The following BIRC6 variants were observed in gnomAD, a reference collection of about 807,000 sequenced individuals.
BIRC6 encodes baculoviral IAP repeat containing 6.
In BIRC6, 98 loss-of-function variants were observed where a neutral mutation model predicts 503.3. The observed-to-expected ratio is 0.19, with a 90% CI of 0.17 to 0.23. The LOEUF (loss-of-function observed/expected upper bound fraction) is 0.23, where lower values mean the gene tolerates loss of function less well. Among genes scored for constraint, BIRC6 ranks in the 10% least tolerant of loss-of-function variants. The pLI, the probability that BIRC6 is intolerant of heterozygous loss-of-function variation, is 1.00. For synonymous variants in BIRC6, 2,240 were observed against 2,078.7 expected, an observed-to-expected ratio of 1.08 and a Z score of -2.11; for missense variants, 5,360 against 5,806.0, an observed-to-expected ratio of 0.92 and a Z score of 2.50.
intron 26 of BIRC6, among the ~76,000 whole-genome samples, 159 bp downstream of exon 26, chr2:32,465,323 C>G (rs1392472683): frequency 7.1e-6 from 1 of 139,932 alleles, no homozygotes; most frequent in East Asian, 2.3e-4. Flanking sequence ...TAAGCACTTA[C>G]ATGTTCAAGC....
chr2:32,531,572 C>G (rs748286582), intron 61 of BIRC6, 21 bp downstream of exon 61: 46 of 1,573,628 alleles, frequency 2.9e-5, no homozygotes, highest in Non-Finnish European at 3.8e-5. Context: ...ATTTCCTAAT[C>G]GAGTATATCA....
intron 23 of BIRC6, among the ~76,000 whole-genome samples, chr2:32,459,227 C>T (rs1002130090): frequency 6.6e-6 from 1 of 152,166 alleles, no homozygotes; most frequent in African/African-American, 2.4e-5. Flanking sequence ...AGTCACTTGG[C>T]AACCAGTAGA....
chr2:32,402,479 A>G (rs922461860), intron 8 of BIRC6, among the ~76,000 whole-genome samples: 1 of 152,076 alleles, frequency 6.6e-6, no homozygotes, highest in African/African-American at 2.4e-5. Flanking sequence ...TTACTTCACA[A>G]CCCCTTTGGT....
chr2:32,557,755 G>C (rs1405754619), intron 65 of BIRC6: 1 of 152,160 alleles, frequency 6.6e-6, no homozygotes, highest in Non-Finnish European at 1.5e-5. Context: ...GTTAAGTACT[G>C]TTCCAGCTAT....
At chr2:32,578,878 CTA>C (rs1231843202) in intron 66 of BIRC6, among the ~76,000 whole-genome samples, 1 of 150,576 alleles carries the variant, frequency 6.6e-6, no homozygotes, top group Non-Finnish European at 1.5e-5. Flanking sequence ...ATTTCTGTCT[CTA>C]TTACTGTGAA....
At chr2:32,398,815 A>C (rs1439659072) in intron 6 of BIRC6, among the ~76,000 whole-genome samples, 4 of 152,122 alleles carry the variant, frequency 2.6e-5, no homozygotes, top group Non-Finnish European at 4.4e-5. Context: ...GGTACGCTAG[A>C]TTTAGCTGGG....
In BIRC6 at chr2:32,371,415, C is replaced by A. The variant is rs188762853; in HGVS notation, c.326-6173C>A. Among the ~76,000 whole-genome samples, 814 of 151,650 alleles carry A rather than the reference C, an allele frequency of 5.4e-3. 11 individuals are homozygous for A. The highest frequency in any genetic ancestry group is 0.019 in the African/African-American group (769 of 41,386). On this transcript the variant is annotated intron_variant, in intron 1 of 73. Coordinates refer to ENST00000421745, the MANE Select transcript of BIRC6 (RefSeq NM_016252.4). Reference sequence around the variant, plus strand: ...TTGGAGACAGAGTCTCGCTCTGTTGCCCAGGCTGGAGAGCAGCGGTGCAAT... The same window carrying A: ...TTGGAGACAGAGTCTCGCTCTGTTGACCAGGCTGGAGAGCAGCGGTGCAAT...
Position 32,487,777 on chromosome 2 carries a change from C to A in BIRC6, c.7944C>A (p.Ser2648=), listed in dbSNP as rs2149287550. The A allele has an allele frequency of 6.2e-7, 1 of 1,612,470 alleles. No homozygotes were observed. The highest frequency in any genetic ancestry group is 1.1e-5 in the South Asian group (1 of 91,042). Residue 2648 remains serine (S), a synonymous_variant, in exon 41 of 74, where the codon TCC becomes TCA. Coordinates refer to ENST00000421745, the MANE Select transcript of BIRC6 (RefSeq NM_016252.4). ...MLNVCFNKLF[S]MLQVHHVQLE... ...ATGTTTGTTTCAACAAACTTTTTTC[C>A]ATGCTTCAAGTCCATCATGTTCAGG...
intron 1 of BIRC6, among the ~76,000 whole-genome samples, chr2:32,374,618 G>T (rs1266440310): frequency 6.6e-6 from 1 of 151,682 alleles, no homozygotes; most frequent in Non-Finnish European, 1.5e-5. Context: ...GACTACAGGC[G>T]CCCGCCACCA....
chr2:32,497,402 A>G (rs1482803251), intron 45 of BIRC6, among the ~76,000 whole-genome samples: 1 of 152,190 alleles, frequency 6.6e-6, no homozygotes, highest in Non-Finnish European at 1.5e-5. Flanking sequence ...TGCTGAATTT[A>G]TTCTCTGAAT....
At chr2:32,535,429 G>A (rs1354723513) in intron 61 of BIRC6, among the ~76,000 whole-genome samples, 2 of 152,056 alleles carry the variant, frequency 1.3e-5, no homozygotes, top group African/African-American at 4.8e-5. Context: ...CATTAGGTAT[G>A]TCTCCTAATG....
At chr2:32,529,420 C>T (rs766758979) in intron 59 of BIRC6, 7 of 383,166 alleles carry the variant, frequency 1.8e-5, no homozygotes, top group East Asian at 4.5e-5. Context: ...CCTTTGTTTA[C>T]GTTTTGCCCA....
chr2:32,475,513 A>G (rs2049649291), intron 33 of BIRC6, among the ~76,000 whole-genome samples: 1 of 152,152 alleles, frequency 6.6e-6, no homozygotes, highest in Non-Finnish European at 1.5e-5. Flanking sequence ...TTTGGTATTG[A>G]CTGTTGTGGA....
At chr2:32,543,617 T>A in intron 62 of BIRC6, 76 bp downstream of exon 62, 1 of 1,383,296 alleles carries the variant, frequency 7.2e-7, no homozygotes, top group Non-Finnish European at 9.8e-7. Flanking sequence ...TTGCCTATTA[T>A]TCATCATTTA....
intron 71 of BIRC6, 75 bp downstream of exon 71, chr2:32,603,158 C>A: frequency 2.7e-6 from 3 of 1,106,676 alleles, no homozygotes; most frequent in South Asian, 3.0e-5. Context: ...TTTTAGTGAC[C>A]AAGAATAAAT....
At chr2:32,407,901 C>T (rs1394519555) in intron 9 of BIRC6, among the ~76,000 whole-genome samples, 1 of 151,766 alleles carries the variant, frequency 6.6e-6, no homozygotes, top group Non-Finnish European at 1.5e-5. Flanking sequence ...GAAGCTAATG[C>T]TCTTTTCCTA....
chr2:32,593,932 T>G lies in BIRC6; in HGVS notation c.13373T>G (p.Val4458Gly), dbSNP rs575856762. Residue 4458 changes from valine to glycine, a missense_variant, in exon 67 of 74, where the codon GTT (valine) becomes GGT (glycine). Around this residue, in one of 16 missense-constraint regions of BIRC6, gnomAD observed 477 missense variants for 574.4 expected, o/e 0.83. Transcript: ENST00000421745. ...TNRLRSKRENVKTGVKPDASD... is the reference protein window; with the variant it reads ...TNRLRSKRENGKTGVKPDASD... ...AAATTCAGATCTAAAAGGGAAAATG[T>G]TAAAACAGGAGTAAAACCAGATGCG... is the stretch of plus-strand genomic sequence containing the variant. 1 of 1,610,936 alleles carries G rather than the reference T, an allele frequency of 6.2e-7. No individual in the cohort carries two copies. Among genetic ancestry groups the G allele is most frequent in the South Asian group, 1.1e-5 (1 of 89,838 alleles).
intron 54 of BIRC6, 132 bp from the exon 55 acceptor site, chr2:32,514,858 C>T (rs1257106637): frequency 1.5e-6 from 1 of 680,176 alleles, no homozygotes; most frequent in Non-Finnish European, 2.4e-6. Context: ...TTAAATCTTA[C>T]AATGTTTTAT....
intron 57 of BIRC6, among the ~76,000 whole-genome samples, chr2:32,524,025 C>T (rs1284036425): frequency 6.9e-6 from 1 of 143,920 alleles, no homozygotes; most frequent in Non-Finnish European, 1.5e-5. Context: ...GCCTGGGCAA[C>T]ACAGCGAGAC....
Sources: gnomAD v4.1 joint callset for allele counts (sites outside exome capture counted in the v4.1 genomes callset) on GRCh38, gnomAD v4.1.1 for gene constraint, gnomAD v4.1.1 regional missense constraint, MANE v1.5 for transcripts, NCBI Gene and HGNC (gene_info 2026-07-23, HGNC 2026-07-21) for gene names.